Variants in NDST3 observed in about 807,000 individuals in gnomAD.
The protein encoded by NDST3 is bifunctional heparan sulfate N-deacetylase/N-sulfotransferase 3.
In NDST3, 58 loss-of-function variants were observed where a neutral mutation model predicts 96.1. The ratio of observed to expected loss-of-function variants is 0.60; its 90% CI spans 0.49 to 0.75. NDST3 has a LOEUF of 0.75. NDST3 is among the 30% of genes least tolerant of loss of function. The probability of loss-of-function intolerance (pLI) is 0.00; values close to 1 mark genes in which losing one functional copy is unlikely to be tolerated. For missense variants in NDST3, 788 were observed against 1,034.2 expected, an observed-to-expected ratio of 0.76 and a Z score of 3.27; for synonymous variants, 333 against 359.7, an observed-to-expected ratio of 0.93 and a Z score of 0.84.
At chr4:118,162,020 AT>A (rs2090376655) in intron 6 of NDST3, among the ~76,000 whole-genome samples, 1 of 152,144 alleles carries the variant, frequency 6.6e-6, no homozygotes. Flanking sequence ...CTTGGGTAAA[AT>A]ACCTAGGAAC....
At chr4:118,107,541 C>A (rs944595483) in intron 3 of NDST3, among the ~76,000 whole-genome samples, 5 of 152,012 alleles carry the variant, frequency 3.3e-5, no homozygotes, top group African/African-American at 1.2e-4. Context: ...GAACATGCTC[C>A]CATTTGTATA....
In NDST3 at chr4:118,204,642, T is replaced by G. The variant is rs182274489; in HGVS notation, c.1540-19849T>G. Among the ~76,000 whole-genome samples, 14 of 144,858 alleles carry G rather than the reference T, an allele frequency of 9.7e-5. 3 individuals carry two copies. Among genetic ancestry groups the G allele is most frequent in the African/African-American group, 2.5e-5 (1 of 39,296 alleles). On this transcript the variant is annotated intron_variant, in intron 6 of 13. Transcript: ENST00000296499. ...TGTTCACTATGTACAGAGAAATCTT[T>G]ATGCCAAACTTAAAGTATGTAAGGA...
intron 4 of NDST3, among the ~76,000 whole-genome samples, chr4:118,115,625 T>G (rs2125866224): frequency 6.6e-6 from 1 of 152,182 alleles, no homozygotes; most frequent in African/African-American, 2.4e-5. Flanking sequence ...TACTGAAGGG[T>G]TTATATTCAG....
At chr4:118,173,013 A>C (rs1043629232) in intron 6 of NDST3, among the ~76,000 whole-genome samples, 1 of 152,112 alleles carries the variant, frequency 6.6e-6, no homozygotes, top group Non-Finnish European at 1.5e-5. Context: ...GGAAATAAAT[A>C]AGAAAGTCCC....
At chr4:118,098,347 T>C (rs1343392680) in intron 2 of NDST3, among the ~76,000 whole-genome samples, 2 of 152,002 alleles carry the variant, frequency 1.3e-5, no homozygotes, top group African/African-American at 2.4e-5. Flanking sequence ...AGATACTATA[T>C]AGCAAAAAAT....
At chr4:118,096,188 C>T (rs1421239771) in intron 2 of NDST3, among the ~76,000 whole-genome samples, 1 of 151,926 alleles carries the variant, frequency 6.6e-6, no homozygotes, top group Non-Finnish European at 1.5e-5. Flanking sequence ...AGTCCCACAG[C>T]ACTCTGATTC....
intron 8 of NDST3, among the ~76,000 whole-genome samples, chr4:118,231,210 C>T (rs1038149976): frequency 6.6e-5 from 10 of 151,796 alleles, no homozygotes; most frequent in African/African-American, 9.7e-5. Context: ...GTGGCAGGTG[C>T]CTGTAATCCC....
chr4:118,153,766 G>A (rs1445416746), intron 6 of NDST3, among the ~76,000 whole-genome samples: 1 of 152,142 alleles, frequency 6.6e-6, no homozygotes, highest in Non-Finnish European at 1.5e-5. Flanking sequence ...GGAGGTTGCA[G>A]TGAGCCGAAA....
intron 8 of NDST3, among the ~76,000 whole-genome samples, chr4:118,229,988 A>C (rs558460746): frequency 6.6e-6 from 1 of 152,334 alleles, no homozygotes; most frequent in South Asian, 2.1e-4. Context: ...TCCTCATAAA[A>C]CACTGATAGC....
chr4:118,194,105 G>A, intron 6 of NDST3: 4 of 1,337,252 alleles, frequency 3.0e-6, no homozygotes, highest in Non-Finnish European at 4.2e-6. Flanking sequence ...ACTGCCAAAA[G>A]CATAGCTGGG....
chr4:118,094,290 C>G (rs950798727), intron 2 of NDST3, among the ~76,000 whole-genome samples: 2 of 151,788 alleles, frequency 1.3e-5, no homozygotes, highest in Non-Finnish European at 2.9e-5. Context: ...GTGCCTTTCC[C>G]CCAACTTGCA....
intron 6 of NDST3, among the ~76,000 whole-genome samples, chr4:118,199,760 C>T (rs1737942566): frequency 6.6e-6 from 1 of 152,150 alleles, no homozygotes; most frequent in African/African-American, 2.4e-5. Flanking sequence ...GCTATATCTG[C>T]TTTAGAGAGG....
intron 2 of NDST3, among the ~76,000 whole-genome samples, chr4:118,077,280 T>C (rs1727625367): frequency 2.6e-5 from 4 of 152,174 alleles, no homozygotes. Flanking sequence ...AACAGCTGCA[T>C]TGGTGCATTG....
intron 6 of NDST3, among the ~76,000 whole-genome samples, chr4:118,207,420 G>T (rs980063298): frequency 2.1e-5 from 3 of 144,942 alleles, no homozygotes; most frequent in Middle Eastern, 3.6e-3. Context: ...GTAGATTTGC[G>T]TGCTTTAAGC....
intron 6 of NDST3, among the ~76,000 whole-genome samples, chr4:118,201,603 T>C (rs1578806880): frequency 6.6e-6 from 1 of 152,354 alleles, no homozygotes; most frequent in Non-Finnish European, 1.5e-5. Context: ...TATGTGTTCA[T>C]GTCCTTTGCC....
At chr4:118,221,793 T>A (rs904624210) in intron 6 of NDST3, among the ~76,000 whole-genome samples, 2 of 152,038 alleles carry the variant, frequency 1.3e-5, no homozygotes, top group African/African-American at 4.8e-5. Flanking sequence ...GTTAATCATA[T>A]AAACATTATG....
rs1724387013 is a variant in NDST3 at position 118,040,573 on chromosome 4, G to A, written c.-156+5981G>A. Among the ~76,000 whole-genome samples the A allele has an allele frequency of 2.0e-5, 3 of 151,934 alleles. 1 individual carries two copies. Among genetic ancestry groups the A allele is most frequent in the African/African-American group, 7.3e-5 (3 of 41,334 alleles). On this transcript the variant is annotated intron_variant, in intron 1 of 13. Transcript: ENST00000296499. ...ATGAACCCTTAGTGTACTTTCATTG[G>A]TCATCTTCAGGATATTTCCCTCATT...
chr4:118,093,296 A>ATGGGTCCAGTG (rs1729031371), intron 2 of NDST3, among the ~76,000 whole-genome samples: 2 of 151,874 alleles, frequency 1.3e-5, no homozygotes, highest in East Asian at 3.9e-4. Flanking sequence ...TTCTCCTCAA[A>ATGGGTCCAGTG]ACATGCTGTC....
intron 6 of NDST3, among the ~76,000 whole-genome samples, chr4:118,158,661 A>G (rs1227814343): frequency 2.0e-5 from 3 of 152,234 alleles, no homozygotes; most frequent in Admixed American, 6.5e-5. Flanking sequence ...TATTAATTAC[A>G]AAGAGAAAAA....
Sources: allele counts gnomAD v4.1 joint callset (sites outside exome capture counted in the v4.1 genomes callset), GRCh38; gene constraint gnomAD v4.1.1; transcripts MANE v1.5; gene names NCBI Gene and HGNC (gene_info 2026-07-23, HGNC 2026-07-21).